NAV3: variants seen among roughly 807,000 people sequenced by gnomAD.
NAV3 encodes neuron navigator 3.
Under a neutral mutation model 244.7 loss-of-function variants are expected in NAV3, and 87 were observed. That is an observed-to-expected ratio of 0.36 (90% CI 0.30 to 0.42). The LOEUF (loss-of-function observed/expected upper bound fraction) is 0.42. NAV3 is among the 20% of genes least tolerant of loss of function. NAV3 has a pLI of 1.00. For missense variants in NAV3, 2,663 were observed against 2,893.3 expected (o/e 0.92, Z 1.83); for synonymous variants, 1,126 against 1,042.2 (o/e 1.08, Z -1.55).
chr12:78,055,332 CA>C (rs1365116870), intron 11 of NAV3, among the ~76,000 whole-genome samples: 2 of 151,980 alleles, frequency 1.3e-5, no homozygotes, highest in Non-Finnish European at 2.9e-5. Context: ...CGTTTTTTAA[CA>C]ACTGAATTCT....
chr12:78,133,009 T>G (rs967620021), intron 18 of NAV3, among the ~76,000 whole-genome samples: 1 of 152,196 alleles, frequency 6.6e-6, no homozygotes, highest in Admixed American at 6.5e-5. Context: ...CTCCTACATC[T>G]GTCTCTCATT....
In NAV3 at chr12:78,050,941, A is replaced by T. The variant is rs767261845; in HGVS notation, c.2310A>T (p.Arg770=). The T allele has an allele frequency of 2.5e-6, 4 of 1,614,004 alleles. No homozygotes were observed. The East Asian group carries it at 6.7e-5, about 27-fold the overall frequency. Residue 770 remains arginine (R), a synonymous_variant, in exon 11 of 40, where the codon CGA becomes CGT. Coordinates refer to ENST00000397909, the MANE Select transcript of NAV3 (RefSeq NM_001024383.2). ...GAGYPRSGTS[R]FIHTDPSRFM... ...GCTATCCTCGCAGTGGTACCAGTCG[A>T]TTCATCCACACAGACCCCTCGAGGT...
intron 5 of NAV3, among the ~76,000 whole-genome samples, chr12:77,987,753 C>T (rs1232347968): frequency 2.0e-5 from 3 of 152,058 alleles, no homozygotes; most frequent in Non-Finnish European, 2.9e-5. Context: ...CATCAAGATA[C>T]AGTATTCAAG....
In NAV3 at chr12:78,183,508, G is replaced by A. The variant is rs901867566; in HGVS notation, c.5693-2093G>A. Among the ~76,000 whole-genome samples the A allele has an allele frequency of 2.0e-5, 3 of 151,930 alleles. No individual in the cohort carries two copies. In the Admixed American group the frequency reaches 2.0e-4, roughly 10 times the overall value. On this transcript the variant is annotated intron_variant, in intron 30 of 39. Transcript: ENST00000397909. Reference sequence around the variant, plus strand: ...ACTGTAACAATTTGTTCAAGATCATGAAACTAGTAAGCAGCAGAACTAATA... The same window carrying A: ...ACTGTAACAATTTGTTCAAGATCATAAAACTAGTAAGCAGCAGAACTAATA...
chr12:77,679,056 G>A (rs1316104294), intron 2 of NAV3, among the ~76,000 whole-genome samples: 3 of 152,154 alleles, frequency 2.0e-5, no homozygotes, highest in Non-Finnish European at 4.4e-5. Flanking sequence ...TCTTAAGTAC[G>A]ACTGTGTCTA....
intron 1 of NAV3, among the ~76,000 whole-genome samples, chr12:77,850,902 T>C (rs1475933078): frequency 6.6e-6 from 1 of 152,208 alleles, no homozygotes; most frequent in Non-Finnish European, 1.5e-5. Flanking sequence ...ACACCCTCTG[T>C]TGGCAACTAT....
chr12:77,629,019 G>A (rs571409722), intron 2 of NAV3, among the ~76,000 whole-genome samples: 4 of 152,132 alleles, frequency 2.6e-5, no homozygotes, highest in African/African-American at 9.6e-5. Context: ...TGCTTAGTAG[G>A]TAAACCTTAA....
At chr12:77,636,413 C>A (rs925676121) in intron 2 of NAV3, among the ~76,000 whole-genome samples, 12 of 148,804 alleles carry the variant, frequency 8.1e-5, no homozygotes, top group African/African-American at 3.0e-4. Flanking sequence ...TGCAGTGAGC[C>A]GAGATTGCAC....
chr12:78,146,225 A>G (rs566889916), intron 20 of NAV3, 144 bp from the exon 21 acceptor site: 1 of 296,492 alleles, frequency 3.4e-6, no homozygotes, highest in South Asian at 1.4e-4. Context: ...GTACTATTTC[A>G]ATTGAATAAC....
At chr12:78,082,298 C>CT (rs1953397432) in intron 12 of NAV3, among the ~76,000 whole-genome samples, 1 of 152,112 alleles carries the variant, frequency 6.6e-6, no homozygotes, top group Non-Finnish European at 1.5e-5. Context: ...TAATACATGG[C>CT]TTAAGGGCAC....
intron 2 of NAV3, among the ~76,000 whole-genome samples, chr12:77,646,947 T>C (rs943692281): frequency 6.6e-6 from 1 of 152,222 alleles, no homozygotes; most frequent in Admixed American, 6.5e-5. Flanking sequence ...TTGCTGATAC[T>C]TGACTTTTAC....
At chr12:77,637,811 TAAG>T (rs1226224881) in intron 2 of NAV3, among the ~76,000 whole-genome samples, 9 of 152,216 alleles carry the variant, frequency 5.9e-5, no homozygotes, top group African/African-American at 2.2e-4. Flanking sequence ...TGTGTTCTAT[TAAG>T]AAACTGATGT....
In NAV3 at chr12:77,697,515, G is replaced by A. The variant is rs561802573; in HGVS notation, c.72+125249G>A. On this transcript the variant is annotated intron_variant, in intron 2 of 8. Transcript: ENST00000550042. ...ATGCGCTGTTTGTGTGAGCTTTTTT[G>A]CCCCAATCTTTATTTCTCATATTAA... Among the ~76,000 whole-genome samples the A allele has an allele frequency of 2.1e-4, 32 of 152,046 alleles. No homozygotes were observed. The South Asian group carries it at 6.2e-3, about 30-fold the overall frequency.
At chr12:78,194,304 A>G (rs996893004) in intron 34 of NAV3, among the ~76,000 whole-genome samples, 2 of 152,014 alleles carry the variant, frequency 1.3e-5, no homozygotes, top group Non-Finnish European at 2.9e-5. Flanking sequence ...CCAGATTAAC[A>G]TCCTCCTCTG....
chr12:77,694,092 A>C (rs528525082), intron 2 of NAV3, among the ~76,000 whole-genome samples: 1 of 151,650 alleles, frequency 6.6e-6, no homozygotes, highest in Non-Finnish European at 1.5e-5. Flanking sequence ...ATATATCTCT[A>C]TTTTCTCTTC....
intron 12 of NAV3, among the ~76,000 whole-genome samples, chr12:78,113,223 G>C (rs1236843308): frequency 1.3e-5 from 2 of 152,216 alleles, no homozygotes; most frequent in Admixed American, 6.5e-5. Context: ...AGGCACATGG[G>C]TGCAAGCTGT....
At position 77,904,449 on chromosome 12, in the gene NAV3, A is replaced by G. The variant is rs987733270; in HGVS notation, c.244-35870A>G. On this transcript the variant is annotated intron_variant, in intron 1 of 39. Transcript: ENST00000397909. ...CATAGTTGGGAATTGAACAATGAGA[A>G]CACATGGACACAGGAAGGGGAACAT... Among the ~76,000 whole-genome samples, 104 of 152,170 alleles carry G rather than the reference A, an allele frequency of 6.8e-4. 6 individuals are homozygous for G. Among genetic ancestry groups the G allele is most frequent in the Non-Finnish European group, 1.5e-5 (1 of 68,048 alleles).
chr12:77,770,560 G>T (rs1332475788), intron 2 of NAV3, among the ~76,000 whole-genome samples: 1 of 152,160 alleles, frequency 6.6e-6, no homozygotes, highest in South Asian at 2.1e-4. Context: ...TTGCCCCAGT[G>T]GTTGCCAAGA....
At chr12:77,822,847 A>G (rs1219126655) in intron 2 of NAV3, among the ~76,000 whole-genome samples, 32 of 152,174 alleles carry the variant, frequency 2.1e-4, no homozygotes, top group Non-Finnish European at 2.9e-5. Context: ...AAGGTTCTTA[A>G]GGTCGAATGT....
Sources: allele counts gnomAD v4.1 joint callset (sites outside exome capture counted in the v4.1 genomes callset), GRCh38; gene constraint gnomAD v4.1.1; transcripts MANE v1.5; gene names NCBI Gene and HGNC (gene_info 2026-07-23, HGNC 2026-07-21).